Variants in MAPK10 observed in about 807,000 individuals in gnomAD.
MAPK10 encodes the protein JNK3 alpha protein kinase.
MAPK10 carries 25 observed loss-of-function variants against 59.3 expected under a neutral mutation model. That is an observed-to-expected ratio of 0.42 (90% CI 0.31 to 0.59). MAPK10 has a LOEUF of 0.59. MAPK10 is among the 20% of genes least tolerant of loss of function. The pLI, the probability that MAPK10 is intolerant of heterozygous loss-of-function variation, is 0.15. For missense variants in MAPK10, 351 were observed against 568.9 expected (o/e 0.62, Z 3.90); for synonymous variants, 190 against 200.5 (o/e 0.95, Z 0.44).
intron 1 of MAPK10, among the ~76,000 whole-genome samples, chr4:86,531,374 G>A (rs1010008043): frequency 6.6e-6 from 1 of 152,222 alleles, no homozygotes; most frequent in African/African-American, 2.4e-5. Context: ...TAAGGAAAAA[G>A]ATGATGCCTT....
chr4:86,420,554 G>A (rs1038039137), intron 1 of MAPK10, among the ~76,000 whole-genome samples: 10 of 152,150 alleles, frequency 6.6e-5, no homozygotes, highest in Admixed American at 6.5e-4. Context: ...TTGGGAGGCT[G>A]AGGCGAGTGT....
At chr4:86,194,472 G>C in intron 2 of MAPK10, 65 bp from the exon 3 acceptor site, 1 of 953,410 alleles carries the variant, frequency 1.0e-6, no homozygotes, top group Admixed American at 1.8e-5. Flanking sequence ...TAACAATATA[G>C]ATTTTGGCAT....
At chr4:86,151,050 G>A (rs1353374371) in intron 4 of MAPK10, among the ~76,000 whole-genome samples, 1 of 152,130 alleles carries the variant, frequency 6.6e-6, no homozygotes, top group Admixed American at 6.5e-5. Flanking sequence ...AGGCAGGGGA[G>A]AAGAAGCATC....
At chr4:86,389,604 G>T (rs1409255452) in intron 1 of MAPK10, among the ~76,000 whole-genome samples, 1 of 152,186 alleles carries the variant, frequency 6.6e-6, no homozygotes, top group Non-Finnish European at 1.5e-5. Context: ...AGGGGACTGG[G>T]TGTTGTGAAA....
upstream of MAPK10, among the ~76,000 whole-genome samples, chr4:86,362,219 A>G (rs1737114399): frequency 6.6e-6 from 1 of 152,144 alleles, no homozygotes; most frequent in Admixed American, 6.5e-5. Flanking sequence ...CAGTAACGTA[A>G]CATGAATGAG....
chr4:86,355,315 AAG>A (rs567800990), intron 1 of MAPK10, among the ~76,000 whole-genome samples: 34 of 152,190 alleles, frequency 2.2e-4, no homozygotes, highest in Admixed American at 1.0e-3. Context: ...TACCCCAAGT[AAG>A]AGTTTCTTTC....
chr4:86,228,906 A>T (rs1000427626), intron 2 of MAPK10, among the ~76,000 whole-genome samples: 1 of 152,206 alleles, frequency 6.6e-6, no homozygotes, highest in Non-Finnish European at 1.5e-5. Flanking sequence ...TTCATATTTC[A>T]ACTACACTAA....
intron 1 of MAPK10, among the ~76,000 whole-genome samples, chr4:86,574,695 T>G (rs1237864540): frequency 1.3e-5 from 2 of 152,206 alleles, no homozygotes; most frequent in Non-Finnish European, 2.9e-5. Context: ...AACTTACTTT[T>G]GTATGTTAAT....
At chr4:86,510,604 T>C (rs1408844526) in intron 1 of MAPK10, among the ~76,000 whole-genome samples, 1 of 151,878 alleles carries the variant, frequency 6.6e-6, no homozygotes, top group East Asian at 1.9e-4. Context: ...TGCATGTATA[T>C]AAATATACAT....
At chr4:86,267,906 T>C (rs2094309585) in intron 2 of MAPK10, among the ~76,000 whole-genome samples, 1 of 152,212 alleles carries the variant, frequency 6.6e-6, no homozygotes, top group Admixed American at 6.6e-5. Context: ...AAAGCATATC[T>C]ACTTATTCAT....
chr4:86,167,236 AC>A (rs1400150590), intron 3 of MAPK10, among the ~76,000 whole-genome samples: 3 of 152,196 alleles, frequency 2.0e-5, no homozygotes, highest in Non-Finnish European at 4.4e-5. Context: ...TAGCCTACCA[AC>A]CAAAAAAAAG....
chr4:86,224,924 T>C (rs2090346755), intron 2 of MAPK10, among the ~76,000 whole-genome samples: 1 of 152,226 alleles, frequency 6.6e-6, no homozygotes, highest in African/African-American at 2.4e-5. Flanking sequence ...TAAATCTTAT[T>C]TATTTTGCAG....
chr4:86,538,420 A>G (rs1038795120), intron 1 of MAPK10, among the ~76,000 whole-genome samples: 1 of 152,182 alleles, frequency 6.6e-6, no homozygotes, highest in East Asian at 1.9e-4. Flanking sequence ...TGCTGGGATT[A>G]CAGGTGTGAG....
intron 1 of MAPK10, among the ~76,000 whole-genome samples, chr4:86,500,543 C>T (rs1721555877): frequency 6.6e-6 from 1 of 152,110 alleles, no homozygotes; most frequent in East Asian, 1.9e-4. Context: ...TGTAATTACA[C>T]CTATGCTCCT....
intron 2 of MAPK10, among the ~76,000 whole-genome samples, chr4:86,328,066 C>G (rs916254160): frequency 6.6e-6 from 1 of 152,012 alleles, no homozygotes; most frequent in Non-Finnish European, 1.5e-5. Context: ...AAAGGTGGGT[C>G]CTTGAAGAAG....
chr4:86,176,683 A>C (rs1177086764), intron 3 of MAPK10, among the ~76,000 whole-genome samples: 1 of 152,136 alleles, frequency 6.6e-6, no homozygotes, highest in Non-Finnish European at 1.5e-5. Flanking sequence ...GAAGCATAGC[A>C]CTAAATTAAC....
At chr4:86,576,481 C>A (rs1327064814) in intron 1 of MAPK10, among the ~76,000 whole-genome samples, 1 of 152,070 alleles carries the variant, frequency 6.6e-6, no homozygotes, top group Non-Finnish European at 1.5e-5. Context: ...TGATTTTAAA[C>A]GGCCTATAGT....
chr4:86,499,793 TG>T (rs1755161289), intron 1 of MAPK10, among the ~76,000 whole-genome samples: 1 of 152,222 alleles, frequency 6.6e-6, no homozygotes, highest in South Asian at 2.1e-4. Context: ...AAACAGTAAG[TG>T]GGCCTTTAGA....
chr4:86,532,255 C>A (rs182925105), intron 1 of MAPK10, among the ~76,000 whole-genome samples: 4 of 151,992 alleles, frequency 2.6e-5, no homozygotes, highest in African/African-American at 9.7e-5. Flanking sequence ...AGTGGTGCTA[C>A]CTTCAGGTAG....
Sources: gnomAD v4.1 joint callset for allele counts (sites outside exome capture counted in the v4.1 genomes callset) on GRCh38, gnomAD v4.1.1 for gene constraint, MANE v1.5 for transcripts, NCBI Gene and HGNC (gene_info 2026-07-23, HGNC 2026-07-21) for gene names.